The following USP8 variants were observed in gnomAD, a reference collection of about 807,000 sequenced individuals.
USP8 encodes ubiquitin specific peptidase 8, also known as ubiquitin carboxyl-terminal hydrolase 8.
Under a neutral mutation model 130.0 loss-of-function variants are expected in USP8, and 27 were observed. The observed-to-expected ratio is 0.21, with a 90% CI of 0.15 to 0.29. USP8 has a LOEUF of 0.29. USP8 is among the 10% of genes least tolerant of loss of function. The pLI, the probability that USP8 is intolerant of heterozygous loss-of-function variation, is 1.00. For synonymous variants in USP8, 392 were observed against 444.1 expected (o/e 0.88, Z 1.48); for missense variants, 1,029 against 1,312.2 (o/e 0.78, Z 3.33).
chr15:50,461,575 C>A (rs2051006873), intron 5 of USP8, among the ~76,000 whole-genome samples: 1 of 152,120 alleles, frequency 6.6e-6, no homozygotes, highest in African/African-American at 2.4e-5. Flanking sequence ...ACTACATAGG[C>A]CGGGCACAGC....
rs1168064692 is a variant in USP8 at position 50,460,301 on chromosome 15, CTTTTTTTTTTTT to C, written c.498+1151_498+1162del. 2.7e-4 allele frequency among the ~76,000 whole-genome samples: 21 copies of C among 77,362 alleles called. 1 individual carries two copies. Among genetic ancestry groups the C allele is most frequent in the African/African-American group, 9.0e-4 (17 of 18,864 alleles). 50.8% of individuals were successfully genotyped at this position (77,362 alleles called of 152,430 possible). On this transcript the variant is annotated intron_variant, in intron 5 of 19. Coordinates refer to ENST00000307179, the MANE Select transcript of USP8 (RefSeq NM_005154.5). ...GCATGAGCCACCACACCTGGCTCTT[CTTTTTTTTTTTT>C]TTTTTTTTTTTGAGACAGAGTTTTA...
At chr15:50,427,945 C>T (rs895210322) in intron 1 of USP8, among the ~76,000 whole-genome samples, 2 of 151,736 alleles carry the variant, frequency 1.3e-5, no homozygotes, top group African/African-American at 4.8e-5. Flanking sequence ...GTAACCTCTG[C>T]TTCCTGGGCT....
intron 7 of USP8, among the ~76,000 whole-genome samples, chr15:50,466,282 T>A (rs1203827510): frequency 6.6e-6 from 1 of 152,188 alleles, no homozygotes; most frequent in Admixed American, 6.5e-5. Flanking sequence ...CGTAGAGTGC[T>A]TTGTAAATAA....
At chr15:50,483,497 T>C (rs1472783337) in intron 11 of USP8, among the ~76,000 whole-genome samples, 1 of 152,184 alleles carries the variant, frequency 6.6e-6, no homozygotes, top group Non-Finnish European at 1.5e-5. Flanking sequence ...AAATGAGTTT[T>C]TAAAAAGAAT....
chr15:50,499,151 T>C lies in USP8; in HGVS notation c.*63T>C. ...CTCAGCAACACAACTCTTGAAATGC[T>C]TATCAGGATAATGGTAGCTATAGCT... On this transcript the variant is annotated 3_prime_UTR_variant, in exon 20 of 20. Coordinates refer to ENST00000307179, the MANE Select transcript of USP8 (RefSeq NM_005154.5). 6.8e-7 allele frequency: 1 copy of C among 1,477,916 alleles called. No individual in the cohort carries two copies. The highest frequency in any genetic ancestry group is 9.1e-7 in the Non-Finnish European group (1 of 1,104,364). The allele number at this position is 1,477,916 out of a possible 1,614,324, so 91.6% of individuals were successfully genotyped here. A position where few individuals can be genotyped will look rare whatever the true frequency, so the allele number is the denominator to read the frequency against.
Position 50,503,525 on chromosome 15 carries a change from A to G in USP8, c.*4437A>G, listed in dbSNP as rs1204940142. ...ATCCACATACAAAGCCAGGACCTTT[A>G]AAGACATTCACCCTCAATGGAAGGA... On this transcript the variant is annotated 3_prime_UTR_variant, in exon 20 of 20. Transcript: ENST00000307179. The G allele has an allele frequency of 2.0e-5, 3 of 152,344 alleles. No individual in the cohort carries two copies. The highest frequency in any genetic ancestry group is 6.8e-3 in the Middle Eastern group (2 of 294). 9.4% of individuals were successfully genotyped at this position (152,344 alleles called of 1,614,324 possible). A position where few individuals can be genotyped will look rare whatever the true frequency, so the allele number is the denominator to read the frequency against.
At chr15:50,425,828 TTAA>T (rs2049694593) in intron 1 of USP8, among the ~76,000 whole-genome samples, 1 of 152,140 alleles carries the variant, frequency 6.6e-6, no homozygotes, top group South Asian at 2.1e-4. Flanking sequence ...CATTTGTTTA[TTAA>T]TGTGGACGTG....
chr15:50,489,961 T>A (rs185463473), intron 13 of USP8, 80 bp downstream of exon 13: 1 of 1,185,900 alleles, frequency 8.4e-7, no homozygotes, highest in East Asian at 2.5e-5. Flanking sequence ...TCTTCTGTAA[T>A]GCAGAGTCAA....
chr15:50,508,213 T>C lies in USP8; in HGVS notation c.*9125T>C, dbSNP rs1411328620. 4 of 152,054 alleles carry C rather than the reference T, an allele frequency of 2.6e-5. No homozygotes were observed. Among genetic ancestry groups the C allele is most frequent in the Non-Finnish European group, 5.9e-5 (4 of 68,014 alleles). 9.4% of individuals were successfully genotyped at this position (152,054 alleles called of 1,614,324 possible). A position where few individuals can be genotyped will look rare whatever the true frequency, so the allele number is the denominator to read the frequency against. On this transcript the variant is annotated 3_prime_UTR_variant, in exon 20 of 20. Transcript: ENST00000307179. ...TTAAAAAAACACTTCTAAGTAACTT[T>C]ATAAATAAATTATAAAAGTAAAACA...
In USP8 at chr15:50,496,130, C is replaced by A. The variant is rs536178266; in HGVS notation, c.2895+46C>A. The A allele has an allele frequency of 4.9e-6, 7 of 1,430,286 alleles. No homozygotes were observed. In the African/African-American group the frequency reaches 8.5e-5, roughly 17 times the overall value. 88.6% of individuals were successfully genotyped at this position (1,430,286 alleles called of 1,614,324 possible). On this transcript the variant is annotated intron_variant, in intron 17 of 19. Coordinates refer to ENST00000307179, the MANE Select transcript of USP8 (RefSeq NM_005154.5). ...GAAAATGATTTATTGGATAAAAATG[C>A]TGTTTTTATGGATATAGAGATGTAA...
chr15:50,494,106 A>G lies in USP8; in HGVS notation c.2484A>G (p.Glu828=), dbSNP rs2052282584. 6.2e-7 allele frequency: 1 copy of G among 1,609,936 alleles called. No homozygotes were observed. The change falls in exon 16 of 20, where the codon GAA becomes GAG. Residue 828 remains glutamate, a synonymous_variant. Coordinates refer to ENST00000307179, the MANE Select transcript of USP8 (RefSeq NM_005154.5). ...NLLGHKGEVA[E]EFGIIMKALW... ...TGGGGCATAAAGGTGAAGTGGCAGA[A>G]GAATTTGGTATAATCATGAAAGCCC...
chr15:50,493,860 GCAGGGCTTGCAGCCAA>G, intron 15 of USP8, 194 bp from the exon 16 acceptor site: 1 of 707,164 alleles, frequency 1.4e-6, no homozygotes, highest in Non-Finnish European at 2.6e-6. Flanking sequence ...AGGAGACCAT[GCAGGGCTTGCAGCCAA>G]AAGAAGGAAG....
At chr15:50,461,715 T>G (rs2051013710) in intron 5 of USP8, among the ~76,000 whole-genome samples, 1 of 151,952 alleles carries the variant, frequency 6.6e-6, no homozygotes, top group African/African-American at 2.4e-5. Context: ...TAGCTGGGCG[T>G]GGTAGCACAC....
At chr15:50,444,069 G>A (rs2050342720) in intron 3 of USP8, among the ~76,000 whole-genome samples, 1 of 124,216 alleles carries the variant, frequency 8.1e-6, no homozygotes, top group Non-Finnish European at 1.7e-5. Context: ...TGGTAGTTTT[G>A]TTGTTTGCTG....
intron 1 of USP8, among the ~76,000 whole-genome samples, chr15:50,429,876 T>C (rs551692089): frequency 6.6e-6 from 1 of 152,282 alleles, no homozygotes; most frequent in South Asian, 2.1e-4. Context: ...TGATTTTGCA[T>C]CTGTTAAAAA....
rs80089999 is a variant in USP8 at position 50,497,126 on chromosome 15, C to A, written c.2933C>A (p.Thr978Lys). The A allele has an allele frequency of 1.9e-6, 3 of 1,604,702 alleles. No individual in the cohort carries two copies. The highest frequency in any genetic ancestry group is 2.5e-6 in the Non-Finnish European group (3 of 1,176,794). The part of the protein sequence containing the change: ...LRLFSKEEKL[T>K]DNNRFYCSHC... ...TTATTTTCCAAAGAAGAAAAACTCA[C>A]AGATAACAACAGATTTTACTGCAGT... The change falls in exon 18 of 20, where the codon ACA becomes AAA. Residue 978 changes from threonine (T) to lysine (K), a missense_variant. Transcript: ENST00000307179.
At chr15:50,434,692 CTG>C (rs1282054091) in intron 1 of USP8, among the ~76,000 whole-genome samples, 1 of 152,028 alleles carries the variant, frequency 6.6e-6, no homozygotes, top group Non-Finnish European at 1.5e-5. Context: ...TCTCCACTCA[CTG>C]CAACCTCCAC....
At chr15:50,488,071 C>T (rs751118766) in intron 12 of USP8, among the ~76,000 whole-genome samples, 6 of 152,106 alleles carry the variant, frequency 3.9e-5, no homozygotes, top group Admixed American at 6.5e-5. Flanking sequence ...CTTATCTTTT[C>T]GTTTTCTTGA....
Position 50,503,282 on chromosome 15 carries a change from T to C in USP8, c.*4194T>C, listed in dbSNP as rs1290758160. 6.6e-6 allele frequency: 1 copy of C among 152,414 alleles called. No individual in the cohort carries two copies. The highest frequency in any genetic ancestry group is 1.5e-5 in the Non-Finnish European group (1 of 68,196). The allele number at this position is 152,414 out of a possible 1,614,324, so 9.4% of individuals were successfully genotyped here. A position where few individuals can be genotyped will look rare whatever the true frequency, so the allele number is the denominator to read the frequency against. Reference sequence around the variant, plus strand: ...ATCATTTGAACCTGGGAGATGGAGGTTGCAGTGAGCTGAGATCATGCCATT... The same window carrying C: ...ATCATTTGAACCTGGGAGATGGAGGCTGCAGTGAGCTGAGATCATGCCATT... On this transcript the variant is annotated 3_prime_UTR_variant, in exon 20 of 20. Coordinates refer to ENST00000307179, the MANE Select transcript of USP8 (RefSeq NM_005154.5).
Sources: allele counts gnomAD v4.1 joint callset (sites outside exome capture counted in the v4.1 genomes callset), GRCh38; gene constraint gnomAD v4.1.1; transcripts MANE v1.5; gene names NCBI Gene and HGNC (gene_info 2026-07-23, HGNC 2026-07-21).